Variants in MATN2 observed in about 807,000 individuals in gnomAD.
MATN2 encodes matrilin-2.
A neutral mutation model predicts 103.2 loss-of-function variants in MATN2; 69 were observed. The observed-to-expected ratio is 0.67, with a 90% CI of 0.55 to 0.82. The LOEUF is 0.82. MATN2 is among the 40% of genes least tolerant of loss of function. MATN2 has a pLI of 0.00. For synonymous variants in MATN2, 429 were observed against 450.2 expected (o/e 0.95, Z 0.60); for missense variants, 1,023 against 1,211.5 (o/e 0.84, Z 2.31).
chr8:97,947,404 G>A (rs1810788473), intron 4 of MATN2, among the ~76,000 whole-genome samples: 1 of 152,092 alleles, frequency 6.6e-6, no homozygotes, highest in Non-Finnish European at 1.5e-5. Flanking sequence ...ACTAATAAAT[G>A]AGTTTAGCAA....
intron 5 of MATN2, among the ~76,000 whole-genome samples, chr8:97,976,420 T>C (rs1008489807): frequency 2.6e-5 from 4 of 152,206 alleles, no homozygotes; most frequent in Admixed American, 6.5e-5. Context: ...AGACTGAAAC[T>C]TAATGAAACT....
intron 18 of MATN2, among the ~76,000 whole-genome samples, chr8:98,034,796 A>G (rs1042785111): frequency 6.6e-6 from 1 of 152,046 alleles, no homozygotes; most frequent in African/African-American, 2.4e-5. Context: ...TTACTTTCCA[A>G]GGCCGAATTC....
intron 2 of MATN2, among the ~76,000 whole-genome samples, chr8:97,923,127 CT>C (rs147309609): frequency 0.067 from 9,981 of 149,370 alleles, 1,103 homozygotes; most frequent in African/African-American, 0.23. Flanking sequence ...TTTGCATGCC[CT>C]TTTTTTTTTC....
chr8:97,961,911 A>G (rs1811328196), intron 5 of MATN2, among the ~76,000 whole-genome samples: 2 of 152,196 alleles, frequency 1.3e-5, no homozygotes, highest in Non-Finnish European at 2.9e-5. Context: ...TTGCTGAGTG[A>G]CACCTCAAAG....
chr8:97,953,484 T>C (rs1321155344), intron 4 of MATN2, among the ~76,000 whole-genome samples: 1 of 152,110 alleles, frequency 6.6e-6, no homozygotes, highest in African/African-American at 2.4e-5. Flanking sequence ...CTACAAATAA[T>C]ACAAAAGTTA....
intron 2 of MATN2, among the ~76,000 whole-genome samples, chr8:97,923,710 C>G (rs1436921604): frequency 6.6e-6 from 1 of 152,140 alleles, no homozygotes; most frequent in Non-Finnish European, 1.5e-5. Context: ...GCGCCTGCCA[C>G]CACGGCCGGC....
At chr8:97,959,817 T>C (rs548165543) in intron 4 of MATN2, among the ~76,000 whole-genome samples, 1 of 152,360 alleles carries the variant, frequency 6.6e-6, no homozygotes, top group East Asian at 1.9e-4. Flanking sequence ...TTTGGATATT[T>C]TATATTTATG....
chr8:97,982,831 A>G lies in MATN2; in HGVS notation c.1081+3823A>G, dbSNP rs1227562262. Among the ~76,000 whole-genome samples, 7 of 152,224 alleles carry G rather than the reference A, an allele frequency of 4.6e-5. No individual in the cohort carries two copies. Among genetic ancestry groups the G allele is most frequent in the African/African-American group, 9.7e-5 (4 of 41,440 alleles). ...TTTCTGGTATTGTTATAAAACATAC[A>G]TAATAGAAAATTTACCACTGTACTC... On this transcript the variant is annotated intron_variant, in intron 6 of 18. Transcript: ENST00000254898. This position sits in a 1 kb window ranked among gnomAD's most constrained non-coding sequence, Gnocchi z 4.3.
chr8:98,003,509 C>T lies in MATN2; in HGVS notation c.1205-152C>T, dbSNP rs150407167. The T allele has an allele frequency of 1.1e-3, 821 of 745,800 alleles. 6 individuals carry two copies. In the African/African-American group the frequency reaches 0.012, roughly 11 times the overall value. The allele number at this position is 745,800 out of a possible 1,614,324, so 46.2% of individuals were successfully genotyped here. A position where few individuals can be genotyped will look rare whatever the true frequency, so the allele number is the denominator to read the frequency against. The stretch of plus-strand genomic sequence containing the variant: ...AGCTCAAGGCCTGGCACTTGGCTGG[C>T]AGACAAACGAATGAATGATCCGTCC... On this transcript the variant is annotated intron_variant, in intron 7 of 18. Transcript: ENST00000254898.
intron 2 of MATN2, among the ~76,000 whole-genome samples, chr8:97,909,779 G>T (rs1254203265): frequency 2.0e-5 from 3 of 151,858 alleles, no homozygotes; most frequent in Non-Finnish European, 4.4e-5. Flanking sequence ...GGAATTACAT[G>T]ATTTCACTTT....
intron 1 of MATN2, among the ~76,000 whole-genome samples, chr8:97,872,672 C>G (rs796256823): frequency 6.6e-6 from 1 of 152,142 alleles, no homozygotes; most frequent in Admixed American, 6.6e-5. Context: ...AAGCCAGTAA[C>G]AGCATCTTCC....
At chr8:98,018,224 C>T in intron 12 of MATN2, 108 bp downstream of exon 12, 1 of 1,414,246 alleles carries the variant, frequency 7.1e-7, no homozygotes, top group Non-Finnish European at 9.7e-7. Flanking sequence ...TCACAAGTGT[C>T]AGTTCCTGCC....
chr8:97,962,005 T>C (rs1421034555), intron 5 of MATN2, among the ~76,000 whole-genome samples: 1 of 152,184 alleles, frequency 6.6e-6, no homozygotes. Context: ...CCCAGCCATA[T>C]GGGCTCAGCG....
chr8:97,977,445 G>A (rs960564965), intron 5 of MATN2, among the ~76,000 whole-genome samples: 1 of 151,860 alleles, frequency 6.6e-6, no homozygotes, highest in Non-Finnish European at 1.5e-5. Context: ...GGCCACATTC[G>A]TAGGTACCAG....
intron 5 of MATN2, 64 bp from the exon 6 acceptor site, chr8:97,978,822 C>T: frequency 6.6e-7 from 1 of 1,522,762 alleles, no homozygotes; most frequent in Non-Finnish European, 9.1e-7. Context: ...ATTTTGCCCT[C>T]ATCCTACCAT....
intron 10 of MATN2, among the ~76,000 whole-genome samples, chr8:98,013,681 A>C (rs767060335): frequency 7.2e-5 from 11 of 152,218 alleles, no homozygotes; most frequent in Non-Finnish European, 1.3e-4. Context: ...AGATTGAAAT[A>C]ATCTCTTTGG....
intron 3 of MATN2, among the ~76,000 whole-genome samples, chr8:97,935,957 G>T (rs978797094): frequency 1.3e-5 from 2 of 152,336 alleles, no homozygotes; most frequent in Admixed American, 6.5e-5. Context: ...CTGGGTGAGA[G>T]TCCTGGCTTT....
intron 10 of MATN2, among the ~76,000 whole-genome samples, chr8:98,009,386 C>T (rs563506687): frequency 3.3e-5 from 5 of 152,298 alleles, no homozygotes; most frequent in African/African-American, 1.2e-4. Flanking sequence ...GACATGACTG[C>T]ACCTATTTGG....
chr8:97,947,563 AT>A (rs1810793785), intron 4 of MATN2, among the ~76,000 whole-genome samples: 1 of 152,232 alleles, frequency 6.6e-6, no homozygotes. Flanking sequence ...AAAGATGTGT[AT>A]GATTTACACA....
Sources: allele counts gnomAD v4.1 joint callset (sites outside exome capture counted in the v4.1 genomes callset), GRCh38; gene constraint gnomAD v4.1.1; non-coding constraint Gnocchi (gnomAD v3.1); transcripts MANE v1.5; gene names NCBI Gene and HGNC (gene_info 2026-07-23, HGNC 2026-07-21).